Variants in CRABP1 observed in about 807,000 individuals in gnomAD.
The protein encoded by CRABP1 is cellular retinoic acid-binding protein 1.
In CRABP1, 9 loss-of-function variants were observed where a neutral mutation model predicts 16.4. The ratio of observed to expected loss-of-function variants is 0.55; its 90% confidence interval spans 0.33 to 0.96. The LOEUF (loss-of-function observed/expected upper bound fraction) is 0.96. CRABP1 is among the 40% of genes least tolerant of loss of function. CRABP1 has a pLI of 0.03. For synonymous variants in CRABP1, 72 were observed against 70.4 expected (o/e 1.02, Z -0.11); for missense variants, 157 against 186.0 (o/e 0.84, Z 0.91).
At chr15:78,343,372 C>A in intron 2 of CRABP1, 127 bp from the exon 3 acceptor site, 1 of 726,118 alleles carries the variant, frequency 1.4e-6, no homozygotes, top group Non-Finnish European at 2.3e-6. Context: ...GGAGAAGAAT[C>A]TGTGGCCTGC....
intron 3 of CRABP1, among the ~76,000 whole-genome samples, chr15:78,345,235 C>A (rs574532944): frequency 5.3e-4 from 81 of 152,280 alleles, no homozygotes; most frequent in African/African-American, 1.9e-3. Flanking sequence ...TCCCTCTCAG[C>A]CTTGAAATTA....
chr15:78,341,109 A>T lies in CRABP1; in HGVS notation c.137A>T (p.Gln46Leu). The change falls in exon 2 of 4, where the codon CAG becomes CTG. Residue 46 changes from glutamine (Q) to leucine (L), a missense_variant. By Grantham distance (113) the Gln-to-Leu change is moderately radical. Coordinates refer to ENST00000299529, the MANE Select transcript of CRABP1 (RefSeq NM_004378.3). The surrounding 1 kb of genome is among the most constrained non-coding windows in gnomAD (Gnocchi z 5.3). Reference protein sequence around the residue: ...AASKPHVEIRQDGDQFYIKTS... With the variant: ...AASKPHVEIRLDGDQFYIKTS... Reference sequence around the variant, plus strand: ...TCCAAGCCGCACGTGGAGATCCGCCAGGACGGGGATCAGTTCTACATCAAG... The same window carrying T: ...TCCAAGCCGCACGTGGAGATCCGCCTGGACGGGGATCAGTTCTACATCAAG... 1 of 1,613,078 alleles carries T rather than the reference A, an allele frequency of 6.2e-7. No individual in the cohort carries two copies. Among genetic ancestry groups the T allele is most frequent in the Non-Finnish European group, 8.5e-7 (1 of 1,179,838 alleles).
chr15:78,342,430 A>AC (rs560567756), intron 2 of CRABP1, among the ~76,000 whole-genome samples: 2 of 150,918 alleles, frequency 1.3e-5, no homozygotes, highest in East Asian at 3.9e-4. Flanking sequence ...GGCTTTATGC[A>AC]CCCCCCATCC....
At chr15:78,346,424 T>C (rs573580255) in intron 3 of CRABP1, among the ~76,000 whole-genome samples, 2 of 152,282 alleles carry the variant, frequency 1.3e-5, no homozygotes, top group South Asian at 2.1e-4. Flanking sequence ...CCCAACACTT[T>C]GGGAGGCTGA....
At chr15:78,343,114 C>CAAA (rs529613378) in intron 2 of CRABP1, among the ~76,000 whole-genome samples, 5 of 146,936 alleles carry the variant, frequency 3.4e-5, no homozygotes, top group African/African-American at 1.3e-4. Flanking sequence ...GACTCCATCT[C>CAAA]AAAAAAAAAA....
Position 78,341,302 on chromosome 15 carries a change from T to A in CRABP1, c.249+81T>A. Reference sequence around the variant, plus strand: ...CACTGCTGCTGGAGGAACCTGTGTCTCCCTTTGCAGCCTGTGGCGCGCCTT... The same window carrying A: ...CACTGCTGCTGGAGGAACCTGTGTCACCCTTTGCAGCCTGTGGCGCGCCTT... On this transcript the variant is annotated intron_variant, in intron 2 of 3. Transcript: ENST00000299529. This position sits in a 1 kb window ranked among gnomAD's most constrained non-coding sequence, Gnocchi z 5.3. 1 of 1,498,650 alleles carries A rather than the reference T, an allele frequency of 6.7e-7. No homozygotes were observed. Among genetic ancestry groups the A allele is most frequent in the Admixed American group, 1.9e-5 (1 of 51,822 alleles). The allele number at this position is 1,498,650 out of a possible 1,614,324, so 92.8% of individuals were successfully genotyped here. A position where few individuals can be genotyped will look rare whatever the true frequency, so the allele number is the denominator to read the frequency against.
In CRABP1 at chr15:78,341,230, C is replaced by G; in HGVS notation, c.249+9C>G. On this transcript the variant is annotated intron_variant, in intron 2 of 3. Coordinates refer to ENST00000299529, the MANE Select transcript of CRABP1 (RefSeq NM_004378.3). The surrounding 1 kb of genome is among the most constrained non-coding windows in gnomAD (Gnocchi z 5.3). ...ACGGACGCAAGTGCAGGGTGAGGCCCCAGAGCCACTACAGCGTCCCCGTGT... is the reference window on the plus strand; with the variant it reads ...ACGGACGCAAGTGCAGGGTGAGGCCGCAGAGCCACTACAGCGTCCCCGTGT... 1 of 1,604,884 alleles carries G rather than the reference C, an allele frequency of 6.2e-7. No individual in the cohort carries two copies. Among genetic ancestry groups the G allele is most frequent in the Non-Finnish European group, 8.5e-7 (1 of 1,176,008 alleles).
rs867554640 is a variant in CRABP1 at position 78,344,928 on chromosome 15, C to A, written c.363+1316C>A. Among the ~76,000 whole-genome samples, 248 of 132,444 alleles carry A rather than the reference C, an allele frequency of 1.9e-3. 1 individual carries two copies. Among genetic ancestry groups the A allele is most frequent in the African/African-American group, 5.9e-3 (194 of 32,620 alleles). The allele number at this position is 132,444 out of a possible 152,430, so 86.9% of individuals were successfully genotyped here. A position where few individuals can be genotyped will look rare whatever the true frequency, so the allele number is the denominator to read the frequency against. On this transcript the variant is annotated intron_variant, in intron 3 of 3. Coordinates refer to ENST00000299529, the MANE Select transcript of CRABP1 (RefSeq NM_004378.3). ...TGAGACCCTGTCTCAAAATTAAAAA[C>A]AAAAAAAAAAACAAAAAAACTAATT...
At chr15:78,346,593 T>C (rs1371504451) in intron 3 of CRABP1, among the ~76,000 whole-genome samples, 1 of 152,288 alleles carries the variant, frequency 6.6e-6, no homozygotes, top group East Asian at 1.9e-4. Flanking sequence ...CACTTGAACC[T>C]GGGAGGCAGA....
chr15:78,343,178 T>C (rs959703814), intron 2 of CRABP1, among the ~76,000 whole-genome samples: 10 of 152,328 alleles, frequency 6.6e-5, no homozygotes, highest in African/African-American at 2.4e-4. Context: ...AATTTTTATA[T>C]AAATGAATCA....
At chr15:78,342,516 C>A (rs1358585688) in intron 2 of CRABP1, among the ~76,000 whole-genome samples, 23 of 152,160 alleles carry the variant, frequency 1.5e-4, no homozygotes, top group African/African-American at 5.1e-4. Flanking sequence ...CTCTGGCCCA[C>A]CCCCCAGCCC....
intron 3 of CRABP1, among the ~76,000 whole-genome samples, chr15:78,345,011 A>G (rs186364994): frequency 6.8e-4 from 103 of 152,168 alleles, no homozygotes; most frequent in African/African-American, 2.4e-3. Context: ...TGTTTTGGGT[A>G]ACCAGGAAAT....
Position 78,341,706 on chromosome 15 carries a change from T to A in CRABP1, c.249+485T>A. On this transcript the variant is annotated intron_variant, in intron 2 of 3. Coordinates refer to ENST00000299529, the MANE Select transcript of CRABP1 (RefSeq NM_004378.3). The surrounding 1 kb of genome is among the most constrained non-coding windows in gnomAD (Gnocchi z 5.3). ...TAGCAGTCCCGATGGCCCCGTCACC[T>A]CTCCCTTCCCGCCTTCGGCCTGGTT... 5.6e-6 allele frequency: 1 copy of A among 177,762 alleles called. No individual in the cohort carries two copies. 11.0% of individuals were successfully genotyped at this position (177,762 alleles called of 1,614,324 possible). A position where few individuals can be genotyped will look rare whatever the true frequency, so the allele number is the denominator to read the frequency against.
intron 2 of CRABP1, among the ~76,000 whole-genome samples, 184 bp from the exon 3 acceptor site, chr15:78,343,315 T>TA (rs1277534547): frequency 6.6e-6 from 1 of 152,128 alleles, no homozygotes; most frequent in Non-Finnish European, 1.5e-5. Context: ...TTATACCCCA[T>TA]AAAATCTGTG....
rs1192385272 is a variant in CRABP1 at position 78,341,042 on chromosome 15, G to A, written c.71-1G>A. On this transcript the variant is annotated splice_acceptor_variant, in intron 1 of 3. Transcript: ENST00000299529. LOFTEE classifies it high-confidence loss of function. This position sits in a 1 kb window ranked among gnomAD's most constrained non-coding sequence, Gnocchi z 5.3. ...CCAAGCCTGTGGTGCACCCTGCGCAGGTGTGAACGCCATGCTGAGGAAAGT... is the reference window on the plus strand; with the variant it reads ...CCAAGCCTGTGGTGCACCCTGCGCAAGTGTGAACGCCATGCTGAGGAAAGT... The A allele has an allele frequency of 1.9e-6, 3 of 1,606,648 alleles. No individual in the cohort carries two copies. Among genetic ancestry groups the A allele is most frequent in the Admixed American group, 1.7e-5 (1 of 59,928 alleles).
intron 3 of CRABP1, among the ~76,000 whole-genome samples, chr15:78,347,081 G>C (rs2050270417): frequency 6.6e-6 from 1 of 151,646 alleles, no homozygotes; most frequent in Admixed American, 6.6e-5. Context: ...GTAATTGCTA[G>C]TTTTGGGGGA....
chr15:78,345,077 T>C (rs2050258006), intron 3 of CRABP1, among the ~76,000 whole-genome samples: 1 of 152,218 alleles, frequency 6.6e-6, no homozygotes, highest in Admixed American at 6.5e-5. Flanking sequence ...TCTTAGTGAA[T>C]GTCACCTTGA....
At chr15:78,340,750 C>T (rs892254365) in intron 1 of CRABP1, 22 of 596,916 alleles carry the variant, frequency 3.7e-5, no homozygotes, top group Non-Finnish European at 6.2e-5. Flanking sequence ...GACTTTATCT[C>T]GTGCTAGATC....
intron 3 of CRABP1, among the ~76,000 whole-genome samples, chr15:78,347,326 A>G (rs964368754): frequency 2.6e-5 from 4 of 152,178 alleles, no homozygotes; most frequent in African/African-American, 7.2e-5. Flanking sequence ...TTTGCCCCCA[A>G]GCTTAGCCAG....
Sources: gnomAD v4.1 joint callset for allele counts (sites outside exome capture counted in the v4.1 genomes callset) on GRCh38, gnomAD v4.1.1 for gene constraint, Gnocchi (gnomAD v3.1) non-coding constraint, MANE v1.5 for transcripts, NCBI Gene and HGNC (gene_info 2026-07-23, HGNC 2026-07-21) for gene names.